The following LLGL2 variants were observed in gnomAD, a reference collection of about 807,000 sequenced individuals.
LLGL2 encodes the protein LLGL2, scribble cell polarity complex component.
Under a neutral mutation model 123.2 loss-of-function variants are expected in LLGL2, and 81 were observed. The observed-to-expected ratio is 0.66, with a 90% confidence interval of 0.55 to 0.79. LLGL2 has a LOEUF of 0.79. LLGL2 is among the 30% of genes least tolerant of loss of function. The pLI is 0.00. For synonymous variants in LLGL2, 577 were observed against 594.1 expected (o/e 0.97, Z 0.42); for missense variants, 1,273 against 1,414.6 (o/e 0.90, Z 1.61).
chr17:75,528,456 AGGC>A (rs2053655021), intron 1 of LLGL2, among the ~76,000 whole-genome samples: 1 of 152,128 alleles, frequency 6.6e-6, no homozygotes, highest in South Asian at 2.1e-4. Context: ...AAAGAAAAAA[AGGC>A]CAGGCGTGGT....
chr17:75,553,062 G>T (rs2077090792), intron 2 of LLGL2, among the ~76,000 whole-genome samples: 1 of 152,232 alleles, frequency 6.6e-6, no homozygotes, highest in South Asian at 2.1e-4. Flanking sequence ...GAGGTCTGGT[G>T]GGGCCCCTGG....
At chr17:75,528,695 G>A (rs553246693) in intron 1 of LLGL2, among the ~76,000 whole-genome samples, 3 of 151,678 alleles carry the variant, frequency 2.0e-5, no homozygotes, top group East Asian at 2.0e-4. Flanking sequence ...CCAAGATCAC[G>A]CCATTGCACT....
At chr17:75,537,292 A>G (rs2054039983) in intron 1 of LLGL2, among the ~76,000 whole-genome samples, 1 of 152,000 alleles carries the variant, frequency 6.6e-6, no homozygotes, top group South Asian at 2.1e-4. Flanking sequence ...CCTGTCCACC[A>G]TGGTTTCAAT....
At chr17:75,527,754 A>T (rs2053624374) in intron 1 of LLGL2, among the ~76,000 whole-genome samples, 1 of 151,008 alleles carries the variant, frequency 6.6e-6, no homozygotes, top group Non-Finnish European at 1.5e-5. Context: ...GGTGTAAGCC[A>T]CTGTGCCCAG....
At position 75,568,269 on chromosome 17, in the gene LLGL2, G is replaced by A. The variant is rs902303430; in HGVS notation, c.1037-207G>A. The A allele has an allele frequency of 1.2e-5, 17 of 1,427,864 alleles. No homozygotes were observed. The African/African-American group carries it at 2.2e-4, about 18-fold the overall frequency. 88.4% of individuals were successfully genotyped at this position (1,427,864 alleles called of 1,614,324 possible). A position where few individuals can be genotyped will look rare whatever the true frequency, so the allele number is the denominator to read the frequency against. The stretch of plus-strand genomic sequence containing the variant: ...GTATCCCCCCAGGAGCCCTGTGCCA[G>A]GGAGCTCTCAGCAGCCTTGCATGCA... On this transcript the variant is annotated intron_variant, in intron 10 of 25. Transcript: ENST00000392550.
At position 75,550,240 on chromosome 17, in the gene LLGL2, G is replaced by GCT. The variant is rs1815557582; in HGVS notation, c.76-5805_76-5804dup. Among the ~76,000 whole-genome samples the GCT allele has an allele frequency of 3.9e-5, 6 of 152,366 alleles. No individual in the cohort carries two copies. In the South Asian group the frequency reaches 1.2e-3, roughly 32 times the overall value. On this transcript the variant is annotated intron_variant, in intron 2 of 25. Transcript: ENST00000392550. Reference sequence around the variant, plus strand: ...CTGAGTGCAGCCGCGATTCAGGGTTGCTGTGTGTACCTTTGCAGGAAGGCA... The same window carrying GCT: ...CTGAGTGCAGCCGCGATTCAGGGTTGCTCTGTGTGTACCTTTGCAGGAAGGCA...
intron 2 of LLGL2, among the ~76,000 whole-genome samples, chr17:75,547,991 C>T (rs2054501903): frequency 6.6e-6 from 1 of 152,176 alleles, no homozygotes; most frequent in Admixed American, 6.5e-5. Flanking sequence ...ATTGAGCATA[C>T]ATGATCAGAA....
intron 2 of LLGL2, among the ~76,000 whole-genome samples, chr17:75,546,965 C>T (rs1374825570): frequency 6.6e-6 from 1 of 152,218 alleles, no homozygotes; most frequent in African/African-American, 2.4e-5. Flanking sequence ...ATGCTGGCAA[C>T]TCAGGTCATC....
intron 1 of LLGL2, among the ~76,000 whole-genome samples, chr17:75,542,224 C>G (rs1244167289): frequency 6.6e-6 from 1 of 151,662 alleles, no homozygotes; most frequent in Non-Finnish European, 1.5e-5. Flanking sequence ...TCCTTCAAAC[C>G]TCAGCTTAGA....
At chr17:75,525,429 G>A (rs1290243505), upstream of LLGL2, among the ~76,000 whole-genome samples, 1 of 152,002 alleles carries the variant, frequency 6.6e-6, no homozygotes, top group African/African-American at 2.4e-5. This position sits in a 1 kb window ranked among gnomAD's most constrained non-coding sequence, Gnocchi z 4.8. Context: ...TTCCGCTTGC[G>A]GGAGGCGGCG....
intron 2 of LLGL2, among the ~76,000 whole-genome samples, chr17:75,555,023 A>G (rs2054842446): frequency 6.6e-6 from 1 of 151,168 alleles, no homozygotes; most frequent in African/African-American, 2.4e-5. Flanking sequence ...TAAAAATACA[A>G]AAAATTAGCC....
At chr17:75,566,010 C>A (rs978549255) in intron 10 of LLGL2, among the ~76,000 whole-genome samples, 1 of 152,306 alleles carries the variant, frequency 6.6e-6, no homozygotes, top group African/African-American at 2.4e-5. Context: ...CAGAGGACAG[C>A]AGTGCTGGTT....
At chr17:75,563,844 C>T in intron 9 of LLGL2, 38 bp downstream of exon 9, 1 of 1,597,104 alleles carries the variant, frequency 6.3e-7, no homozygotes, top group South Asian at 1.1e-5. Context: ...TCTCCAGAGC[C>T]TTCCTGGAGG....
At chr17:75,563,575 C>G (rs529015139) in intron 8 of LLGL2, 112 bp downstream of exon 8, 1 of 1,520,604 alleles carries the variant, frequency 6.6e-7, no homozygotes, top group Admixed American at 1.8e-5. Context: ...AGGCTTTGTC[C>G]AAAGCCACAC....
intron 9 of LLGL2, 94 bp downstream of exon 9, chr17:75,563,900 G>T: frequency 7.9e-7 from 1 of 1,259,978 alleles, no homozygotes; most frequent in South Asian, 1.2e-5. Flanking sequence ...TGGTGCCAGT[G>T]AACACTCTCA....
At position 75,558,215 on chromosome 17, in the gene LLGL2, G is replaced by A; in HGVS notation, c.234G>A (p.Gln78=). Residue 78 remains glutamine (Q), a synonymous_variant, in exon 4 of 26, where the codon CAG becomes CAA. Transcript: ENST00000392550. This position sits in a 1 kb window ranked among gnomAD's most constrained non-coding sequence, Gnocchi z 4.0. ...GLHQENNAVT[Q]IHLLPGQCQL... Reference sequence around the variant, plus strand: ...ACCAGGAGAACAACGCTGTGACGCAGATCCACCTCCTGCCCGGCCAGGTGA... The same window carrying A: ...ACCAGGAGAACAACGCTGTGACGCAAATCCACCTCCTGCCCGGCCAGGTGA... 6.2e-7 allele frequency: 1 copy of A among 1,613,216 alleles called. No homozygotes were observed. The highest frequency in any genetic ancestry group is 8.5e-7 in the Non-Finnish European group (1 of 1,179,798).
intron 2 of LLGL2, among the ~76,000 whole-genome samples, chr17:75,548,954 A>G (rs886157276): frequency 3.3e-5 from 5 of 151,916 alleles, no homozygotes; most frequent in South Asian, 2.1e-4. Context: ...CCTCACAACA[A>G]CTCAGGATGG....
At chr17:75,571,159 C>T (rs1365563017) in intron 17 of LLGL2, 59 bp downstream of exon 17, 24 of 1,494,186 alleles carry the variant, frequency 1.6e-5, no homozygotes, top group South Asian at 2.4e-5. Context: ...CACCCCCTGA[C>T]CTGGGGGCAT....
chr17:75,568,417 C>G, intron 10 of LLGL2, 59 bp from the exon 11 acceptor site: 1 of 1,564,484 alleles, frequency 6.4e-7, no homozygotes. Flanking sequence ...GCTTCTGATT[C>G]CACAGAGCTG....
Sources: allele counts gnomAD v4.1 joint callset (sites outside exome capture counted in the v4.1 genomes callset), GRCh38; gene constraint gnomAD v4.1.1; non-coding constraint Gnocchi (gnomAD v3.1); transcripts MANE v1.5; gene names NCBI Gene and HGNC (gene_info 2026-07-23, HGNC 2026-07-21).